Variants in ABCB1 observed in about 807,000 individuals in gnomAD.
The protein encoded by ABCB1 is ATP-dependent translocase ABCB1.
Under a neutral mutation model 142.0 loss-of-function variants are expected in ABCB1, and 69 were observed. The ratio of observed to expected loss-of-function variants is 0.49; its 90% CI spans 0.40 to 0.59. The LOEUF (loss-of-function observed/expected upper bound fraction) is 0.59. Ranked by LOEUF, ABCB1 falls within the 20% of genes least tolerant of loss-of-function variation. The pLI is 0.00. For synonymous variants in ABCB1, 532 were observed against 539.2 expected, an observed-to-expected ratio of 0.99 and a Z score of 0.18; for missense variants, 1,326 against 1,554.7, an observed-to-expected ratio of 0.85 and a Z score of 2.47.
chr7:87,628,671 C>T, intron 1 of ABCB1: 2 of 425,284 alleles, frequency 4.7e-6, no homozygotes, highest in Non-Finnish European at 3.9e-6. Flanking sequence ...GGTGCGAGTC[C>T]CTGCTGTCTT....
At chr7:87,530,830 C>A (rs7802257) in intron 21 of ABCB1, among the ~76,000 whole-genome samples, 503 of 43,280 alleles carry the variant, frequency 0.012, 3 homozygotes, top group African/African-American at 0.035. Flanking sequence ...AGCAAGAAAG[C>A]AAGAAAGCAA....
chr7:87,507,450 A>G (rs1191422331), intron 26 of ABCB1, among the ~76,000 whole-genome samples: 2 of 152,150 alleles, frequency 1.3e-5, no homozygotes, highest in African/African-American at 4.8e-5. Flanking sequence ...CCGTGTCTAT[A>G]CTTGAGAACC....
chr7:87,550,890 T>TC (rs1371871528), intron 9 of ABCB1, 52 bp from the exon 10 acceptor site: 2 of 1,122,750 alleles, frequency 1.8e-6, no homozygotes, highest in African/African-American at 3.1e-5. Flanking sequence ...GACAGCAATT[T>TC]TTTTTCATAC....
chr7:87,710,048 C>T (rs2130738334), intron 1 of ABCB1, among the ~76,000 whole-genome samples: 1 of 152,124 alleles, frequency 6.6e-6, no homozygotes, highest in Non-Finnish European at 1.5e-5. Context: ...AATTCAATAG[C>T]TCATGATTTG....
intron 1 of ABCB1, chr7:87,628,877 A>G: frequency 7.7e-7 from 1 of 1,291,840 alleles, no homozygotes; most frequent in Non-Finnish European, 9.9e-7. Flanking sequence ...GTGGCGGCGG[A>G]GGCGGCAAGA....
chr7:87,508,917 A>C (rs145796506), intron 26 of ABCB1, among the ~76,000 whole-genome samples: 33 of 152,268 alleles, frequency 2.2e-4, no homozygotes, highest in African/African-American at 7.5e-4. Flanking sequence ...CTTGGACTTA[A>C]AGTGAAAGGC....
At position 87,535,015 on chromosome 7, in the gene ABCB1, A is replaced by G. The variant is rs144164379; in HGVS notation, c.2481+1443T>C. Reference sequence around the variant, plus strand: ...AAATACCCTTTCTCTCATATCCATCATCTTATCCAACCAACACATTGTTGG... The same window carrying G: ...AAATACCCTTTCTCTCATATCCATCGTCTTATCCAACCAACACATTGTTGG... On this transcript the variant is annotated intron_variant, in intron 20 of 27. Coordinates refer to ENST00000622132, the MANE Select transcript of ABCB1 (RefSeq NM_001348946.2). Among the ~76,000 whole-genome samples the G allele has an allele frequency of 1.8e-3, 266 of 150,738 alleles. 3 individuals carry two copies. In the East Asian group the frequency reaches 0.048, roughly 27 times the overall value.
At chr7:87,552,070 A>G (rs1443064961) in intron 9 of ABCB1, among the ~76,000 whole-genome samples, 2 of 152,212 alleles carry the variant, frequency 1.3e-5, no homozygotes, top group Non-Finnish European at 2.9e-5. Context: ...AACAGTGTAT[A>G]TGAACATTTT....
At chr7:87,608,201 A>T (rs1819725945) in intron 1 of ABCB1, among the ~76,000 whole-genome samples, 1 of 152,222 alleles carries the variant, frequency 6.6e-6, no homozygotes, top group Admixed American at 6.5e-5. Flanking sequence ...ATTGGGTTTA[A>T]GTTCTGGTCA....
chr7:87,630,264 T>C (rs952619276), intron 1 of ABCB1, among the ~76,000 whole-genome samples: 3 of 152,240 alleles, frequency 2.0e-5, no homozygotes, highest in Non-Finnish European at 4.4e-5. Flanking sequence ...AGGACTTAAA[T>C]GCAATAACTC....
chr7:87,563,942 TTATAAG>T (rs1817680039), intron 7 of ABCB1, among the ~76,000 whole-genome samples: 1 of 152,146 alleles, frequency 6.6e-6, no homozygotes, highest in Non-Finnish European at 1.5e-5. Context: ...ATGTTCTCAC[TTATAAG>T]TGGGAGCTAA....
intron 24 of ABCB1, among the ~76,000 whole-genome samples, chr7:87,515,683 C>A (rs1815210275): frequency 6.6e-6 from 1 of 152,076 alleles, no homozygotes; most frequent in South Asian, 2.1e-4. Context: ...CTCCACCCCC[C>A]AGGTTCAAGC....
chr7:87,611,735 G>A (rs1819859597), intron 1 of ABCB1, among the ~76,000 whole-genome samples: 1 of 152,084 alleles, frequency 6.6e-6, no homozygotes, highest in Non-Finnish European at 1.5e-5. Flanking sequence ...GCAGATTTGA[G>A]TTTTAGTTTT....
intron 4 of ABCB1, among the ~76,000 whole-genome samples, chr7:87,583,904 G>T (rs941690459): frequency 4.6e-5 from 7 of 152,192 alleles, no homozygotes; most frequent in African/African-American, 1.7e-4. Flanking sequence ...TGAAGTATTT[G>T]ATTCTTCCAC....
At chr7:87,564,003 G>A (rs1233686817) in intron 7 of ABCB1, 1 of 280,588 alleles carries the variant, frequency 3.6e-6, no homozygotes, top group African/African-American at 2.3e-5. Context: ...ACACACACTG[G>A]GGCCTATTAG....
At chr7:87,597,915 A>G (rs907611085) in intron 2 of ABCB1, among the ~76,000 whole-genome samples, 4 of 152,116 alleles carry the variant, frequency 2.6e-5, no homozygotes, top group African/African-American at 9.7e-5. Flanking sequence ...TTCACACACT[A>G]CGTTTGGTAG....
intron 21 of ABCB1, among the ~76,000 whole-genome samples, chr7:87,525,252 A>G (rs560080564): frequency 6.6e-6 from 1 of 152,322 alleles, no homozygotes; most frequent in East Asian, 1.9e-4. Flanking sequence ...TGTGTACTAA[A>G]TAATTTTGAA....
intron 1 of ABCB1, among the ~76,000 whole-genome samples, chr7:87,637,776 T>C (rs1821939322): frequency 6.6e-6 from 1 of 152,108 alleles, no homozygotes; most frequent in African/African-American, 2.4e-5. Flanking sequence ...CTAACAGTCT[T>C]ACCAGATTTC....
At chr7:87,516,764 T>C in intron 23 of ABCB1, 99 bp from the exon 24 acceptor site, 1 of 1,264,468 alleles carries the variant, frequency 7.9e-7, no homozygotes, top group Non-Finnish European at 1.1e-6. Flanking sequence ...TGAGGTGGGG[T>C]CTTCCTGTGT....
Sources: allele counts gnomAD v4.1 joint callset (sites outside exome capture counted in the v4.1 genomes callset), GRCh38; gene constraint gnomAD v4.1.1; transcripts MANE v1.5; gene names NCBI Gene and HGNC (gene_info 2026-07-23, HGNC 2026-07-21).